Variants in POLR3C observed in about 807,000 individuals in gnomAD.
POLR3C encodes DNA-directed RNA polymerase III subunit RPC3.
Under a neutral mutation model 65.9 loss-of-function variants are expected in POLR3C, and 44 were observed. That is an observed-to-expected ratio of 0.67 (90% confidence interval 0.52 to 0.86). The LOEUF (loss-of-function observed/expected upper bound fraction) is 0.86, where lower values mean the gene tolerates loss of function less well. POLR3C is among the 40% of genes least tolerant of loss of function. POLR3C has a pLI of 0.00. For synonymous variants in POLR3C, 263 were observed against 231.6 expected (o/e 1.14, Z -1.23); for missense variants, 576 against 653.2 (o/e 0.88, Z 1.29).
At chr1:145,839,098 C>G (rs1470246911) in intron 11 of POLR3C, among the ~76,000 whole-genome samples, 3 of 151,996 alleles carry the variant, frequency 2.0e-5, no homozygotes, top group African/African-American at 7.2e-5. Flanking sequence ...TGGTGAAACC[C>G]TGTCTCTACT....
chr1:145,828,768 A>C lies in POLR3C; in HGVS notation c.609A>C (p.Arg203Ser). 1.2e-6 allele frequency: 2 copies of C among 1,608,354 alleles called. No homozygotes were observed. The highest frequency in any genetic ancestry group is 2.2e-5 in the South Asian group (2 of 90,982). Reference protein sequence around the residue: ...LSLIGKGKRRRSSDEDAAGEP... With the variant: ...LSLIGKGKRRSSSDEDAAGEP... ...TGGCAGGGAAAGGTAAAAGGAGGAG[A>C]TCATCTGATGAAGATGCTGCTGGGG... Residue 203 changes from arginine to serine, a missense_variant, in exon 5 of 15, where the codon AGA (arginine) becomes AGC (serine). Transcript: ENST00000334163.
rs587631246 is a variant in POLR3C, at chr1:145,831,441, G to A, written c.679-1819G>A. Among the ~76,000 whole-genome samples the A allele has an allele frequency of 2.0e-5, 3 of 152,002 alleles. No homozygotes were observed. The East Asian group carries it at 5.8e-4, about 29-fold the overall frequency. On this transcript the variant is annotated intron_variant, in intron 5 of 14. Coordinates refer to ENST00000334163, the MANE Select transcript of POLR3C (RefSeq NM_006468.8). ...GAGGCAGGAGAATCGCTTGAACCTGGGGGGCAGAGGTTGCAGTGAGCGGAG... is the reference window on the plus strand; with the variant it reads ...GAGGCAGGAGAATCGCTTGAACCTGAGGGGCAGAGGTTGCAGTGAGCGGAG...
intron 11 of POLR3C, chr1:145,839,640 G>A (rs1553729837): frequency 5.1e-6 from 2 of 393,748 alleles, no homozygotes; most frequent in African/African-American, 4.1e-5. Flanking sequence ...GACTGAGGTG[G>A]GAGGATTGCT....
chr1:145,842,246 A>G, intron 14 of POLR3C, 93 bp from the exon 15 acceptor site: 1 of 717,464 alleles, frequency 1.4e-6, no homozygotes. Context: ...AGGGTAACCA[A>G]GCAGTTATCC....
intron 14 of POLR3C, among the ~76,000 whole-genome samples, chr1:145,841,276 C>G (rs1457717093): frequency 2.0e-5 from 3 of 152,220 alleles, no homozygotes; most frequent in Middle Eastern, 3.2e-3. Context: ...TATACACTCT[C>G]TTGTTCATCA....
chr1:145,825,882 C>G lies in POLR3C; in HGVS notation c.106C>G (p.Leu36Val). The change falls in exon 2 of 15, where the codon CTA becomes GTA. Residue 36 changes from leucine (L) to valine (V), a missense_variant. Physicochemically the swap from Leu to Val is conservative, Grantham distance 32 (BLOSUM62 1). Coordinates refer to ENST00000334163, the MANE Select transcript of POLR3C (RefSeq NM_006468.8). ...VHLIRTGSQP[L>V]RVIAHDTGTS... ...TCTGATAAGAACCGGCAGCCAGCCA[C>G]TAAGAGTAATTGCCCATGACACAGG... The G allele has an allele frequency of 1.9e-6, 3 of 1,613,700 alleles. No individual in the cohort carries two copies. Among genetic ancestry groups the G allele is most frequent in the Admixed American group, 1.7e-5 (1 of 60,024 alleles).
chr1:145,833,233 A>T, intron 5 of POLR3C, 27 bp from the exon 6 acceptor site: 2 of 1,392,158 alleles, frequency 1.4e-6, no homozygotes, highest in South Asian at 2.4e-5. Context: ...CACTATAGCT[A>T]AATGTTTCTC....
chr1:145,825,726 C>A, intron 1 of POLR3C, 31 bp from the exon 2 acceptor site: 1 of 1,494,318 alleles, frequency 6.7e-7, no homozygotes, highest in Non-Finnish European at 9.3e-7. Context: ...GAAAGACTTT[C>A]TATTGTACCA....
chr1:145,839,751 A>G, intron 11 of POLR3C, 139 bp from the exon 12 acceptor site: 1 of 611,828 alleles, frequency 1.6e-6, no homozygotes. Context: ...AATAAAATAA[A>G]CACAGGTACT....
Position 145,842,873 on chromosome 1 carries a change from C to T in POLR3C, c.*453C>T, listed in dbSNP as rs189408673. ...TGTCACTCAGGCTGGGGTGTAATAG[C>T]GCAATCACAGCTCCCTACAGCCTTG... On this transcript the variant is annotated 3_prime_UTR_variant, in exon 15 of 15. Transcript: ENST00000334163. 5.4e-5 allele frequency among the ~76,000 whole-genome samples: 8 copies of T among 148,508 alleles called. No homozygotes were observed. The highest frequency in any genetic ancestry group is 1.9e-4 in the East Asian group (1 of 5,184).
In POLR3C at chr1:145,840,120, T is replaced by C; in HGVS notation, c.1328T>C (p.Ile443Thr). 2 of 1,607,446 alleles carry C rather than the reference T, an allele frequency of 1.2e-6. No homozygotes were observed. Among genetic ancestry groups the C allele is most frequent in the African/African-American group, 1.3e-5 (1 of 74,914 alleles). ...GTCTGTCTTCTCTTTCCTCAGAGCA[T>C]AGCCAACTTGATAGAAAGGAGGCAA... ...RMLLHRCYKS[I>T]ANLIERRQFE... Residue 443 changes from isoleucine (I) to threonine (T), a missense_variant, in exon 13 of 15, where the codon ATA becomes ACA. By Grantham distance (89) the Ile-to-Thr change is moderately conservative. Coordinates refer to ENST00000334163, the MANE Select transcript of POLR3C (RefSeq NM_006468.8).
chr1:145,840,839 G>A, intron 13 of POLR3C, 83 bp from the exon 14 acceptor site: 1 of 956,870 alleles, frequency 1.0e-6, no homozygotes, highest in Non-Finnish European at 1.7e-6. Context: ...ATGGTAAAGG[G>A]TGGTGGGTAG....
In POLR3C at chr1:145,825,769, C is replaced by T. The variant is rs1650685031; in HGVS notation, c.-8C>T. 1.2e-6 allele frequency: 2 copies of T among 1,611,512 alleles called. No homozygotes were observed. Among genetic ancestry groups the T allele is most frequent in the African/African-American group, 2.7e-5 (2 of 74,956 alleles). ...GTTTTTTCCCTAGCTCTCAGACTCC[C>T]CAGTACAATGACTCAAGCAGAAATT... is the stretch of plus-strand genomic sequence containing the variant. On this transcript the variant is annotated 5_prime_UTR_variant, in exon 2 of 15. Coordinates refer to ENST00000334163, the MANE Select transcript of POLR3C (RefSeq NM_006468.8).
Position 145,843,148 on chromosome 1 carries a change from C to T in POLR3C, c.*728C>T, listed in dbSNP as rs1553731114. ...GCAGGTGGATTGTCCCAAGCAGTCA[C>T]ACTAGAATCTGTGGACTGAAGCCAC... On this transcript the variant is annotated 3_prime_UTR_variant, in exon 15 of 15. Transcript: ENST00000334163. Among the ~76,000 whole-genome samples, 1 of 152,146 alleles carries T rather than the reference C, an allele frequency of 6.6e-6. No individual in the cohort carries two copies. Among genetic ancestry groups the T allele is most frequent in the Non-Finnish European group, 1.5e-5 (1 of 68,026 alleles).
At chr1:145,838,245 G>A (rs1553729383) in intron 11 of POLR3C, 39 bp downstream of exon 11, 2 of 1,586,246 alleles carry the variant, frequency 1.3e-6, no homozygotes, top group South Asian at 1.1e-5. Context: ...AACCAGCAAA[G>A]CTGGCCTAGG....
At position 145,842,415 on chromosome 1, in the gene POLR3C, C is replaced by T. The variant is rs1170532051; in HGVS notation, c.1600C>T (p.Gln534Ter). 3.1e-6 allele frequency: 5 copies of T among 1,597,700 alleles called. No homozygotes were observed. The highest frequency in any genetic ancestry group is 3.4e-6 in the Non-Finnish European group (4 of 1,165,830). The change falls in exon 15 of 15, where the codon CAG becomes TAG. Residue 534 changes from glutamine to a stop codon, truncating the protein, a stop_gained. Transcript: ENST00000334163. LOFTEE classifies it high-confidence loss of function. ...ESYIECTMKR[Q>*] ...TTACATTGAGTGCACCATGAAGAGACAGTGATCCAGAAGAAGCATCTTCCT... is the reference window on the plus strand; with the variant it reads ...TTACATTGAGTGCACCATGAAGAGATAGTGATCCAGAAGAAGCATCTTCCT...
rs587618545 is a variant in POLR3C, at chr1:145,844,336, T to C, written c.*1916T>C. On this transcript the variant is annotated 3_prime_UTR_variant, in exon 15 of 15. Coordinates refer to ENST00000334163, the MANE Select transcript of POLR3C (RefSeq NM_006468.8). ...CATAAGAATGAATGAAATCCTGTCATTGGCAGCAACATGGATGGAATTGGA... is the reference window on the plus strand; with the variant it reads ...CATAAGAATGAATGAAATCCTGTCACTGGCAGCAACATGGATGGAATTGGA... Among the ~76,000 whole-genome samples the C allele has an allele frequency of 2.0e-5, 3 of 152,312 alleles. No individual in the cohort carries two copies. Among genetic ancestry groups the C allele is most frequent in the Admixed American group, 6.5e-5 (1 of 15,300 alleles).
rs145897960 is a variant in POLR3C at position 145,843,906 on chromosome 1, C to G, written c.*1486C>G. On this transcript the variant is annotated 3_prime_UTR_variant, in exon 15 of 15. Coordinates refer to ENST00000334163, the MANE Select transcript of POLR3C (RefSeq NM_006468.8). ...TTTCGAAAGAAGATACACAAATGGC[C>G]GACAGATACATCAAAAAATGTTCAA... Among the ~76,000 whole-genome samples the G allele has an allele frequency of 1.3e-5, 2 of 152,004 alleles. No individual in the cohort carries two copies. The highest frequency in any genetic ancestry group is 4.8e-5 in the African/African-American group (2 of 41,342).
At chr1:145,839,629 G>A (rs1559152752) in intron 11 of POLR3C, 2 of 352,446 alleles carry the variant, frequency 5.7e-6, no homozygotes, top group East Asian at 5.0e-5. Flanking sequence ...GCTACTTGGG[G>A]GACTGAGGTG....
Sources: allele counts gnomAD v4.1 joint callset (sites outside exome capture counted in the v4.1 genomes callset), GRCh38; gene constraint gnomAD v4.1.1; transcripts MANE v1.5; gene names NCBI Gene and HGNC (gene_info 2026-07-23, HGNC 2026-07-21).